Variants in CDHR2 observed in about 807,000 individuals in gnomAD.
CDHR2 encodes the protein cadherin-related family member 2.
Under a neutral mutation model 138.6 loss-of-function variants are expected in CDHR2, and 104 were observed. That is an observed-to-expected ratio of 0.75 (90% CI 0.64 to 0.88). The LOEUF (loss-of-function observed/expected upper bound fraction) is 0.88. CDHR2 is among the 40% of genes least tolerant of loss of function. The pLI is 0.00. For synonymous variants in CDHR2, 755 were observed against 742.8 expected (o/e 1.02, Z -0.27); for missense variants, 1,624 against 1,727.6 (o/e 0.94, Z 1.06).
chr5:176,593,288 G>C (rs868368582), intron 31 of CDHR2, among the ~76,000 whole-genome samples: 2 of 152,212 alleles, frequency 1.3e-5, no homozygotes, highest in Non-Finnish European at 2.9e-5. Flanking sequence ...GGCCTGCTGC[G>C]TAAAAGCACC....
At chr5:176,557,618 T>G (rs978538673) in intron 1 of CDHR2, among the ~76,000 whole-genome samples, 1 of 145,432 alleles carries the variant, frequency 6.9e-6, no homozygotes, top group Non-Finnish European at 1.5e-5. Flanking sequence ...CGGGCTGGAG[T>G]GCAGTGACGA....
chr5:176,561,868 G>A lies in CDHR2; in HGVS notation c.-15-3470G>A, dbSNP rs192002470. On this transcript the variant is annotated intron_variant, in intron 1 of 31. Transcript: ENST00000261944. ...TTGGCCAGGCTGCTCTCAAACTCCC[G>A]ACATCAAGTGATCCACCTGCCTTGG... Among the ~76,000 whole-genome samples, 520 of 152,240 alleles carry A rather than the reference G, an allele frequency of 3.4e-3. 3 individuals carry two copies. Among genetic ancestry groups the A allele is most frequent in the Non-Finnish European group, 4.0e-3 (273 of 68,012 alleles).
At chr5:176,564,105 TAGAC>T (rs1214169931) in intron 1 of CDHR2, among the ~76,000 whole-genome samples, 1 of 152,212 alleles carries the variant, frequency 6.6e-6, no homozygotes, top group Admixed American at 6.5e-5. Context: ...GACAACTTTC[TAGAC>T]AGACAGCAAG....
chr5:176,589,251 C>G, intron 22 of CDHR2, 69 bp downstream of exon 22: 2 of 1,599,310 alleles, frequency 1.3e-6, no homozygotes, highest in Non-Finnish European at 1.7e-6. Flanking sequence ...GGCAGCAAGT[C>G]CCCCATCCTG....
chr5:176,574,607 A>G (rs1223967455), intron 7 of CDHR2, among the ~76,000 whole-genome samples: 1 of 152,198 alleles, frequency 6.6e-6, no homozygotes, highest in Non-Finnish European at 1.5e-5. Flanking sequence ...AGTCCCTGAC[A>G]TGCAACGGGG....
chr5:176,577,527 C>A lies in CDHR2; in HGVS notation c.1323C>A (p.Tyr441Ter). 6.2e-7 allele frequency: 1 copy of A among 1,613,550 alleles called. No homozygotes were observed. The highest frequency in any genetic ancestry group is 8.5e-7 in the Non-Finnish European group (1 of 1,179,844). ...TGAGAGTATCCGCGCTGGTGGACTA[C>A]GAGAGGCAGACGGCGATGGCGGTGC... Reference protein sequence around the residue: ...VLVRVSALVDYERQTAMAVQV... With the variant: ...VLVRVSALVD Residue 441 changes from tyrosine (Y) to a stop codon, truncating the protein, a stop_gained, in exon 13 of 32, where the codon TAC becomes TAA. Coordinates refer to ENST00000261944, the MANE Select transcript of CDHR2 (RefSeq NM_017675.6). LOFTEE classifies it high-confidence loss of function.
In CDHR2 at chr5:176,575,343, A is replaced by G. The variant is rs1758344882; in HGVS notation, c.685A>G (p.Ile229Val). 1 of 1,614,110 alleles carries G rather than the reference A, an allele frequency of 6.2e-7. No homozygotes were observed. Among genetic ancestry groups the G allele is most frequent in the East Asian group, 2.2e-5 (1 of 44,872 alleles). Residue 229 changes from isoleucine (I) to valine (V), a missense_variant, in exon 9 of 32, where the codon ATC becomes GTC. Physicochemically the swap from Ile to Val is conservative, Grantham distance 29. Around this residue, in one of 3 missense-constraint regions of CDHR2, gnomAD observed 1,061 missense variants for 1,136.6 expected, o/e 0.93. Coordinates refer to ENST00000261944, the MANE Select transcript of CDHR2 (RefSeq NM_017675.6). ...IQCSLPVFLS[I>V]SVVDQPDLDP... ...GTGCTCCCTGCCTGTCTTCCTGTCC[A>G]TCTCCGTGGTGGACCAGCCTGACCT...
intron 10 of CDHR2, 58 bp downstream of exon 10, chr5:176,575,639 C>T: frequency 3.7e-6 from 6 of 1,603,646 alleles, no homozygotes; most frequent in Non-Finnish European, 5.1e-6. Flanking sequence ...GGGTCTCCGT[C>T]AGAGTCCCTG....
intron 31 of CDHR2, among the ~76,000 whole-genome samples, chr5:176,594,685 C>T (rs527310470): frequency 1.8e-4 from 27 of 152,314 alleles, no homozygotes; most frequent in African/African-American, 4.8e-4. Flanking sequence ...TGGGGCCCCT[C>T]GGATGTTCCA....
chr5:176,547,119 C>T (rs1055103970), upstream of CDHR2, among the ~76,000 whole-genome samples: 2 of 152,058 alleles, frequency 1.3e-5, no homozygotes, highest in African/African-American at 2.4e-5. Context: ...GCTGAGATTA[C>T]AGGCACCTGC....
At chr5:176,571,088 G>C in intron 5 of CDHR2, 125 bp from the exon 6 acceptor site, 1 of 342,598 alleles carries the variant, frequency 2.9e-6, no homozygotes, top group East Asian at 6.7e-5. Flanking sequence ...AACATATGGA[G>C]AGAAAGAGAG....
Position 176,578,356 on chromosome 5 carries a change from T to C in CDHR2, c.1575-9T>C. ...GTCTCTATTTGCTGAACCTGGCCCC[T>C]CTGAGCAGGGCAGACCTCTTCCAAG... On this transcript the variant is annotated splice_polypyrimidine_tract_variant and intron_variant, in intron 15 of 31. Coordinates refer to ENST00000261944, the MANE Select transcript of CDHR2 (RefSeq NM_017675.6). 2 of 1,609,314 alleles carry C rather than the reference T, an allele frequency of 1.2e-6. No individual in the cohort carries two copies. Among genetic ancestry groups the C allele is most frequent in the Non-Finnish European group, 1.7e-6 (2 of 1,177,906 alleles).
intron 24 of CDHR2, 142 bp from the exon 25 acceptor site, chr5:176,589,936 G>T (rs758381279): frequency 1.1e-4 from 79 of 733,520 alleles, no homozygotes; most frequent in Middle Eastern, 6.7e-4. Context: ...AATTTTCACA[G>T]AGATGCTACC....
At chr5:176,549,834 A>G (rs2113246580) in intron 1 of CDHR2, among the ~76,000 whole-genome samples, 1 of 152,322 alleles carries the variant, frequency 6.6e-6, no homozygotes, top group East Asian at 1.9e-4. Context: ...TTGGTGGGCT[A>G]CTTAACTCTT....
At position 176,589,334 on chromosome 5, in the gene CDHR2, G is replaced by A. The variant is rs1758774870; in HGVS notation, c.3013G>A (p.Val1005Met). Residue 1005 changes from valine (V) to methionine (M), a missense_variant, in exon 23 of 32, where the codon GTG becomes ATG. Val to Met is a conservative substitution (Grantham distance 21). Coordinates refer to ENST00000261944, the MANE Select transcript of CDHR2 (RefSeq NM_017675.6). ...TGCGCCTCCCGCCTTCCGCAGGCCG[G>A]TGACCAGCCTCGACTCCACTCTCCA... ...ADVFAGSIQP[V>M]TSLDSTLQGT... 1 of 1,555,480 alleles carries A rather than the reference G, an allele frequency of 6.4e-7. No individual in the cohort carries two copies. Among genetic ancestry groups the A allele is most frequent in the African/African-American group, 1.4e-5 (1 of 73,424 alleles).
At position 176,574,167 on chromosome 5, in the gene CDHR2, G is replaced by A. The variant is rs1337122050; in HGVS notation, c.490G>A (p.Glu164Lys). The A allele has an allele frequency of 3.7e-6, 6 of 1,612,904 alleles. No homozygotes were observed. Among genetic ancestry groups the A allele is most frequent in the African/African-American group, 2.7e-5 (2 of 74,872 alleles). Residue 164 changes from glutamate to lysine, a missense_variant, in exon 7 of 32, where the codon GAG (glutamate) becomes AAG (lysine). Physicochemically the swap from Glu to Lys is moderately conservative, Grantham distance 56. This residue lies in a region of CDHR2 where 1,061 missense variants were observed against 1,136.6 expected (regional missense o/e 0.93). Transcript: ENST00000261944. Reference sequence around the variant, plus strand: ...TGCAGGCATGGTCGTGTACTCCATAGAGAAGGTGAGTGTGAAGGGGGCCCT... The same window carrying A: ...TGCAGGCATGGTCGTGTACTCCATAAAGAAGGTGAGTGTGAAGGGGGCCCT... The part of the protein sequence containing the change: ...GSAGMVVYSI[E>K]KVIPSTGDSE...
chr5:176,578,700 C>T (rs1337228246), intron 16 of CDHR2, 92 bp downstream of exon 16: 29 of 1,534,632 alleles, frequency 1.9e-5, no homozygotes, highest in Middle Eastern at 1.9e-4. Flanking sequence ...GTCGGGGCTC[C>T]GCTGTGTGGC....
At chr5:176,565,450 C>A in intron 2 of CDHR2, 46 bp downstream of exon 2, 1 of 1,559,466 alleles carries the variant, frequency 6.4e-7, no homozygotes, top group Non-Finnish European at 8.8e-7. Flanking sequence ...CCTAGAGACC[C>A]TTGGCAGGAC....
chr5:176,548,760 TAAAA>T (rs370822670), upstream of CDHR2, among the ~76,000 whole-genome samples: 10 of 146,586 alleles, frequency 6.8e-5, no homozygotes, highest in African/African-American at 2.0e-4. Flanking sequence ...AATAAATAAT[TAAAA>T]AAAAAAGGCA....
Sources: allele counts gnomAD v4.1 joint callset (sites outside exome capture counted in the v4.1 genomes callset), GRCh38; gene constraint gnomAD v4.1.1; regional missense constraint gnomAD v4.1.1; transcripts MANE v1.5; gene names NCBI Gene and HGNC (gene_info 2026-07-23, HGNC 2026-07-21).